CHN1: variants seen among roughly 807,000 people sequenced by gnomAD.
The protein encoded by CHN1 is chimerin 1, also known as N-chimaerin.
In CHN1, 37 loss-of-function variants were observed where a neutral mutation model predicts 59.5. That is an observed-to-expected ratio of 0.62 (90% confidence interval 0.48 to 0.82). The LOEUF is 0.82. Ranked by LOEUF, CHN1 falls within the 40% of genes least tolerant of loss-of-function variation. The probability of loss-of-function intolerance (pLI) is 0.00; values close to 1 mark genes in which losing one functional copy is unlikely to be tolerated. For synonymous variants in CHN1, 206 were observed against 200.4 expected, an observed-to-expected ratio of 1.03 and a Z score of -0.24; for missense variants, 469 against 571.0, an observed-to-expected ratio of 0.82 and a Z score of 1.82.
chr2:174,872,525 A>G (rs1398648715), intron 6 of CHN1, among the ~76,000 whole-genome samples: 1 of 152,216 alleles, frequency 6.6e-6, no homozygotes, highest in Non-Finnish European at 1.5e-5. Flanking sequence ...GTTCGATACT[A>G]AAATGCAAAT....
At chr2:174,967,988 G>A (rs889518840) in intron 1 of CHN1, among the ~76,000 whole-genome samples, 6 of 152,062 alleles carry the variant, frequency 3.9e-5, no homozygotes, top group Non-Finnish European at 7.4e-5. Context: ...TCTGCAATGC[G>A]GATTCACAGG....
chr2:174,917,285 T>A (rs1169715611), intron 4 of CHN1, among the ~76,000 whole-genome samples: 1 of 151,794 alleles, frequency 6.6e-6, no homozygotes, highest in African/African-American at 2.4e-5. Context: ...ATACAAAAAA[T>A]TAACGAGGCA....
chr2:174,842,107 T>C (rs1672081282), intron 7 of CHN1, among the ~76,000 whole-genome samples: 1 of 152,202 alleles, frequency 6.6e-6, no homozygotes, highest in Non-Finnish European at 1.5e-5. Flanking sequence ...GGTTTTCAAG[T>C]AACAACAACC....
intron 5 of CHN1, among the ~76,000 whole-genome samples, chr2:174,887,070 C>T (rs1331096819): frequency 2.6e-5 from 4 of 152,078 alleles, no homozygotes; most frequent in African/African-American, 7.2e-5. Context: ...AATGGAATTA[C>T]ATAACATGTA....
chr2:174,974,946 C>G (rs774374215), intron 1 of CHN1, among the ~76,000 whole-genome samples: 1 of 136,792 alleles, frequency 7.3e-6, no homozygotes, highest in Non-Finnish European at 1.6e-5. Context: ...CAGAACAAAT[C>G]GACACAAGCT....
At chr2:174,885,718 GC>G (rs1403799385) in intron 5 of CHN1, among the ~76,000 whole-genome samples, 5 of 152,098 alleles carry the variant, frequency 3.3e-5, no homozygotes, top group Admixed American at 3.3e-4. Flanking sequence ...TGACCTGCCT[GC>G]CTCAGCCTCC....
intron 5 of CHN1, among the ~76,000 whole-genome samples, chr2:174,886,856 TATA>T (rs1423443417): frequency 1.3e-5 from 2 of 152,236 alleles, no homozygotes; most frequent in East Asian, 3.8e-4. Context: ...TTTATTAATG[TATA>T]ATTTACATAG....
chr2:174,862,206 C>T lies in CHN1; in HGVS notation c.550-15249G>A, dbSNP rs186729403. ...GTAGAAAGGTTCTTAAAGGGTATGCCTTTGTTGTTTTCACTGCCAAAATAT... is the reference window on the plus strand; with the variant it reads ...GTAGAAAGGTTCTTAAAGGGTATGCTTTTGTTGTTTTCACTGCCAAAATAT... On this transcript the variant is annotated intron_variant, in intron 6 of 12. Coordinates refer to ENST00000409900, the MANE Select transcript of CHN1 (RefSeq NM_001822.7). Among the ~76,000 whole-genome samples the T allele has an allele frequency of 4.4e-3, 676 of 152,192 alleles. 6 individuals are homozygous for T. Among genetic ancestry groups the T allele is most frequent in the African/African-American group, 0.015 (636 of 41,530 alleles).
chr2:174,897,661 T>C (rs953951723), intron 5 of CHN1, among the ~76,000 whole-genome samples: 1 of 152,172 alleles, frequency 6.6e-6, no homozygotes, highest in African/African-American at 2.4e-5. Flanking sequence ...TGTATGTACT[T>C]TTATTTTGAA....
At chr2:174,850,757 T>G (rs1183767900) in intron 6 of CHN1, among the ~76,000 whole-genome samples, 2 of 152,168 alleles carry the variant, frequency 1.3e-5, no homozygotes, top group African/African-American at 4.8e-5. Context: ...AATCCTAATT[T>G]TTAAAAGGCA....
intron 6 of CHN1, chr2:174,875,785 T>G (rs2105470980): frequency 1.0e-6 from 1 of 983,296 alleles, no homozygotes; most frequent in Admixed American, 6.1e-5. Context: ...TGTCTTTACT[T>G]ACAAATGTCA....
At chr2:174,925,789 C>G (rs1235579281) in intron 3 of CHN1, among the ~76,000 whole-genome samples, 2 of 152,202 alleles carry the variant, frequency 1.3e-5, no homozygotes, top group African/African-American at 2.4e-5. Flanking sequence ...TTAGGCTGAA[C>G]CAATGTTCTT....
At chr2:174,911,059 T>C (rs1688688944) in intron 5 of CHN1, among the ~76,000 whole-genome samples, 1 of 152,166 alleles carries the variant, frequency 6.6e-6, no homozygotes, top group Admixed American at 6.5e-5. Context: ...AATAACATAG[T>C]ATTTGACATT....
chr2:174,814,881 T>A (rs1685193814), intron 8 of CHN1, among the ~76,000 whole-genome samples: 1 of 152,224 alleles, frequency 6.6e-6, no homozygotes, highest in African/African-American at 2.4e-5. Context: ...TGTATTTCAT[T>A]TAAATAAAAG....
At chr2:174,997,063 C>T (rs927141022) in intron 1 of CHN1, among the ~76,000 whole-genome samples, 4 of 152,220 alleles carry the variant, frequency 2.6e-5, no homozygotes, top group Non-Finnish European at 5.9e-5. Flanking sequence ...TCTCCCTCCA[C>T]TGCAAATATA....
At chr2:174,906,507 G>A (rs1463192413) in intron 5 of CHN1, among the ~76,000 whole-genome samples, 1 of 152,150 alleles carries the variant, frequency 6.6e-6, no homozygotes, top group Non-Finnish European at 1.5e-5. Flanking sequence ...GGCATTAAAT[G>A]TTCTAAAATT....
At chr2:174,811,774 C>T (rs1045786097) in intron 9 of CHN1, among the ~76,000 whole-genome samples, 186 bp from the exon 10 acceptor site, 1 of 152,172 alleles carries the variant, frequency 6.6e-6, no homozygotes, top group African/African-American at 2.4e-5. Context: ...CCTATTGTCA[C>T]CTGAATATCA....
At chr2:174,947,263 G>A (rs1196225016) in intron 2 of CHN1, among the ~76,000 whole-genome samples, 6 of 152,136 alleles carry the variant, frequency 3.9e-5, no homozygotes, top group African/African-American at 1.2e-4. Flanking sequence ...GAGAATTGAT[G>A]TGGGTTTCAA....
At chr2:174,899,090 GC>G (rs1263400447) in intron 5 of CHN1, among the ~76,000 whole-genome samples, 1 of 152,116 alleles carries the variant, frequency 6.6e-6, no homozygotes, top group Non-Finnish European at 1.5e-5. Flanking sequence ...CCCCCACACA[GC>G]CTTGTTACCT....
Sources: allele counts gnomAD v4.1 joint callset (sites outside exome capture counted in the v4.1 genomes callset), GRCh38; gene constraint gnomAD v4.1.1; transcripts MANE v1.5; gene names NCBI Gene and HGNC (gene_info 2026-07-23, HGNC 2026-07-21).